The following ELL2 variants were observed in gnomAD, a reference collection of about 807,000 sequenced individuals.
The protein encoded by ELL2 is elongation factor for RNA polymerase II 2, also known as RNA polymerase II elongation factor ELL2.
A neutral mutation model predicts 72.8 loss-of-function variants in ELL2; 21 were observed. The observed-to-expected ratio is 0.29, with a 90% CI of 0.20 to 0.42. The LOEUF (loss-of-function observed/expected upper bound fraction) is 0.42, where lower values mean the gene tolerates loss of function less well. Ranked by LOEUF, ELL2 falls within the 10% of genes least tolerant of loss-of-function variation. The pLI is 1.00. For synonymous variants in ELL2, 266 were observed against 283.2 expected, an observed-to-expected ratio of 0.94 and a Z score of 0.61; for missense variants, 568 against 772.8, an observed-to-expected ratio of 0.73 and a Z score of 3.14.
intron 9 of ELL2, among the ~76,000 whole-genome samples, chr5:95,894,215 G>C (rs1470053566): frequency 6.6e-6 from 1 of 152,274 alleles, no homozygotes; most frequent in East Asian, 1.9e-4. Context: ...ACTCCAGCCT[G>C]GGCAACAAGA....
chr5:95,893,257 T>C (rs1748734102), intron 9 of ELL2, among the ~76,000 whole-genome samples: 1 of 152,256 alleles, frequency 6.6e-6, no homozygotes, highest in Non-Finnish European at 1.5e-5. Context: ...TACAGTTGGC[T>C]GTTTATGTGG....
rs765204068 is a variant in ELL2, at chr5:95,891,048, G to A, written c.1761+55C>T. 5 of 1,609,584 alleles carry A rather than the reference G, an allele frequency of 3.1e-6. No individual in the cohort carries two copies. The Admixed American group carries it at 6.7e-5, about 21-fold the overall frequency. ...GATGGCTGAGGTTGAGCAGGGCAGGGAAAGAAAGAAGGTAAAATATGAAAG... is the reference window on the plus strand; with the variant it reads ...GATGGCTGAGGTTGAGCAGGGCAGGAAAAGAAAGAAGGTAAAATATGAAAG... On this transcript the variant is annotated intron_variant, in intron 10 of 11. Transcript: ENST00000237853.
intron 2 of ELL2, among the ~76,000 whole-genome samples, chr5:95,927,400 T>TACACACACACGTGTATATATAGACATAC (rs147145672): frequency 6.8e-5 from 2 of 29,462 alleles, no homozygotes; most frequent in Non-Finnish European, 1.1e-4. Context: ...TATATAGACA[T>TACACACACACGTGTATATATAGACATAC]ACACACACGT....
At chr5:95,955,383 C>T (rs1036473729) in intron 1 of ELL2, among the ~76,000 whole-genome samples, 1 of 152,146 alleles carries the variant, frequency 6.6e-6, no homozygotes, top group East Asian at 1.9e-4. Flanking sequence ...TTTCTTATAT[C>T]CTGAATTAAA....
intron 5 of ELL2, among the ~76,000 whole-genome samples, chr5:95,901,440 C>T (rs1325100813): frequency 6.6e-6 from 1 of 152,174 alleles, no homozygotes; most frequent in Non-Finnish European, 1.5e-5. Flanking sequence ...AAAGGATACA[C>T]TCAAACACCC....
intron 2 of ELL2, among the ~76,000 whole-genome samples, chr5:95,932,871 G>A (rs1483602607): frequency 6.6e-6 from 1 of 152,048 alleles, no homozygotes; most frequent in East Asian, 1.9e-4. Context: ...TTGTCAAAGG[G>A]AGTCCATGAA....
At chr5:95,919,161 T>A (rs916561174) in intron 3 of ELL2, among the ~76,000 whole-genome samples, 1 of 152,162 alleles carries the variant, frequency 6.6e-6, no homozygotes, top group Admixed American at 6.5e-5. Flanking sequence ...AAAAACTGCA[T>A]TTTTATAGGT....
chr5:95,890,006 T>A lies in ELL2; in HGVS notation c.1762-876A>T, dbSNP rs571464456. Among the ~76,000 whole-genome samples the A allele has an allele frequency of 5.3e-5, 8 of 152,274 alleles. No individual in the cohort carries two copies. The East Asian group carries it at 1.5e-3, about 29-fold the overall frequency. ...TTTATTCCTCATAACTCAATGATTATCCCATTTTATGGATGGGGAATTCAA... is the reference window on the plus strand; with the variant it reads ...TTTATTCCTCATAACTCAATGATTAACCCATTTTATGGATGGGGAATTCAA... On this transcript the variant is annotated intron_variant, in intron 10 of 11. Transcript: ENST00000237853.
At chr5:95,905,384 G>A (rs1293615885) in intron 5 of ELL2, among the ~76,000 whole-genome samples, 4 of 152,114 alleles carry the variant, frequency 2.6e-5, no homozygotes, top group Non-Finnish European at 5.9e-5. Context: ...AAACTGAGAA[G>A]CTAATTCACA....
intron 7 of ELL2, 33 bp downstream of exon 7, chr5:95,900,659 AT>A: frequency 6.9e-7 from 1 of 1,459,514 alleles, no homozygotes; most frequent in Non-Finnish European, 9.3e-7. Flanking sequence ...CCTAATATCT[AT>A]GTCAGGTCTA....
intron 4 of ELL2, among the ~76,000 whole-genome samples, chr5:95,908,385 G>A (rs1223705869): frequency 6.6e-6 from 1 of 152,174 alleles, no homozygotes; most frequent in African/African-American, 2.4e-5. Flanking sequence ...TCTGTGATTT[G>A]ATTAATACCT....
chr5:95,915,439 A>C (rs1749754211), intron 3 of ELL2, among the ~76,000 whole-genome samples: 1 of 152,230 alleles, frequency 6.6e-6, no homozygotes, highest in South Asian at 2.1e-4. Context: ...GTCTTTACAA[A>C]TGCTATTTAA....
chr5:95,936,096 A>T (rs1253028840), intron 2 of ELL2, among the ~76,000 whole-genome samples: 1 of 152,232 alleles, frequency 6.6e-6, no homozygotes, highest in African/African-American at 2.4e-5. Flanking sequence ...TTGATGAAGT[A>T]TGGGTAAAGA....
intron 1 of ELL2, among the ~76,000 whole-genome samples, chr5:95,959,707 C>T (rs6871413): frequency 1.3e-5 from 2 of 152,154 alleles, no homozygotes; most frequent in Admixed American, 6.5e-5. Context: ...GTATGTAGGA[C>T]GGTACCTTTC....
rs980794662 is a variant in ELL2 at position 95,888,023 on chromosome 5, A to G, written c.*848T>C. ...AAAACACCCTACAGTAACACTCGTC[A>G]GTTGTTTAACCTGAGCGTTTGGCCT... On this transcript the variant is annotated 3_prime_UTR_variant, in exon 12 of 12. Coordinates refer to ENST00000237853, the MANE Select transcript of ELL2 (RefSeq NM_012081.6). The G allele has an allele frequency of 6.6e-6, 1 of 152,632 alleles. No individual in the cohort carries two copies. Among genetic ancestry groups the G allele is most frequent in the Non-Finnish European group, 1.5e-5 (1 of 68,036 alleles). The allele number at this position is 152,632 out of a possible 1,614,324, so 9.5% of individuals were successfully genotyped here.
At position 95,888,481 on chromosome 5, in the gene ELL2, C is replaced by T. The variant is rs575218864; in HGVS notation, c.*390G>A. 2.4e-4 allele frequency: 37 copies of T among 155,428 alleles called. No individual in the cohort carries two copies. Among genetic ancestry groups the T allele is most frequent in the African/African-American group, 8.7e-4 (36 of 41,616 alleles). 9.6% of individuals were successfully genotyped at this position (155,428 alleles called of 1,614,324 possible). A position where few individuals can be genotyped will look rare whatever the true frequency, so the allele number is the denominator to read the frequency against. On this transcript the variant is annotated 3_prime_UTR_variant, in exon 12 of 12. Coordinates refer to ENST00000237853, the MANE Select transcript of ELL2 (RefSeq NM_012081.6). ...GTTTATCCAAAAGCATTTCACCTTGCACATTACTGTTGTTGTTTTTTAAAC... is the reference window on the plus strand; with the variant it reads ...GTTTATCCAAAAGCATTTCACCTTGTACATTACTGTTGTTGTTTTTTAAAC...
chr5:95,915,582 T>C (rs1396421511), intron 3 of ELL2, among the ~76,000 whole-genome samples: 1 of 152,180 alleles, frequency 6.6e-6, no homozygotes, highest in Non-Finnish European at 1.5e-5. Flanking sequence ...TTCAAGGAAC[T>C]AATGGGTGAC....
Position 95,917,865 on chromosome 5 carries a change from A to G in ELL2, c.317+1559T>C, listed in dbSNP as rs1318532740. On this transcript the variant is annotated intron_variant, in intron 3 of 11. Transcript: ENST00000237853. ...TTTTGAAGAGAGGATTAAGCTCCTT[A>G]ATAAAATTCCTAAGGGGACATTGTT... Among the ~76,000 whole-genome samples, 3 of 152,236 alleles carry G rather than the reference A, an allele frequency of 2.0e-5. No individual in the cohort carries two copies. The East Asian group carries it at 5.8e-4, about 29-fold the overall frequency.
intron 2 of ELL2, among the ~76,000 whole-genome samples, chr5:95,937,258 C>T (rs566294420): frequency 6.6e-6 from 1 of 152,230 alleles, no homozygotes; most frequent in Non-Finnish European, 1.5e-5. Context: ...AGATAGTTTC[C>T]TCAGGCACCA....
Sources: gnomAD v4.1 joint callset for allele counts (sites outside exome capture counted in the v4.1 genomes callset) on GRCh38, gnomAD v4.1.1 for gene constraint, MANE v1.5 for transcripts, NCBI Gene and HGNC (gene_info 2026-07-23, HGNC 2026-07-21) for gene names.